Variants in HMBOX1 observed in about 807,000 individuals in gnomAD.
The protein encoded by HMBOX1 is homeobox-containing protein 1.
A neutral mutation model predicts 54.5 loss-of-function variants in HMBOX1; 14 were observed. The ratio of observed to expected loss-of-function variants is 0.26; its 90% confidence interval spans 0.17 to 0.40. The LOEUF is 0.40. HMBOX1 is among the 10% of genes least tolerant of loss of function. The pLI, the probability that HMBOX1 is intolerant of heterozygous loss-of-function variation, is 1.00. For synonymous variants in HMBOX1, 160 were observed against 181.0 expected, an observed-to-expected ratio of 0.88 and a Z score of 0.93; for missense variants, 332 against 514.4, an observed-to-expected ratio of 0.65 and a Z score of 3.43.
chr8:29,029,568 C>T (rs1460473343), intron 6 of HMBOX1, among the ~76,000 whole-genome samples: 3 of 152,144 alleles, frequency 2.0e-5, no homozygotes, highest in Non-Finnish European at 4.4e-5. Flanking sequence ...ACCATTACTG[C>T]AAAGAATAAG....
At chr8:28,967,148 G>A (rs372374791) in intron 2 of HMBOX1, among the ~76,000 whole-genome samples, 5 of 152,044 alleles carry the variant, frequency 3.3e-5, no homozygotes, top group Admixed American at 6.5e-5. Flanking sequence ...CTTTCCCCTC[G>A]TCTGACTAGA....
At chr8:28,945,292 C>T (rs1161755468) in intron 1 of HMBOX1, among the ~76,000 whole-genome samples, 2 of 152,162 alleles carry the variant, frequency 1.3e-5, no homozygotes, top group Non-Finnish European at 2.9e-5. Context: ...GAAATGAGGG[C>T]TTAACAAGAT....
At chr8:29,001,767 CAATT>C (rs932458165) in intron 4 of HMBOX1, among the ~76,000 whole-genome samples, 11 of 152,132 alleles carry the variant, frequency 7.2e-5, no homozygotes, top group African/African-American at 1.4e-4. Flanking sequence ...AAATATAACT[CAATT>C]AAAAACAAAA....
intron 1 of HMBOX1, among the ~76,000 whole-genome samples, chr8:28,908,254 C>T (rs1814718896): frequency 6.6e-6 from 1 of 152,016 alleles, no homozygotes; most frequent in African/African-American, 2.4e-5. Flanking sequence ...ATATAATTAG[C>T]TTGTCTTGTT....
intron 6 of HMBOX1, among the ~76,000 whole-genome samples, chr8:29,036,602 G>A (rs1037365066): frequency 2.6e-5 from 4 of 152,198 alleles, no homozygotes; most frequent in African/African-American, 9.6e-5. Flanking sequence ...GGGCTATCAT[G>A]AGTTTCTTTC....
intron 4 of HMBOX1, among the ~76,000 whole-genome samples, chr8:28,998,832 A>T: frequency 6.6e-6 from 1 of 151,960 alleles, no homozygotes; most frequent in East Asian, 1.9e-4. Flanking sequence ...TGCCCTGGAG[A>T]TTACCATTAA....
chr8:29,013,064 A>T (rs1440686950), intron 5 of HMBOX1, among the ~76,000 whole-genome samples: 1 of 152,220 alleles, frequency 6.6e-6, no homozygotes, highest in African/African-American at 2.4e-5. Flanking sequence ...TTTAGAAAAC[A>T]AAAATGTTTG....
chr8:28,973,361 T>C (rs1437813685), intron 3 of HMBOX1, among the ~76,000 whole-genome samples: 1 of 152,202 alleles, frequency 6.6e-6, no homozygotes, highest in Admixed American at 6.5e-5. Flanking sequence ...ATTTTTCATA[T>C]CTGTAGATTT....
At chr8:29,012,937 T>C (rs1834399341) in intron 5 of HMBOX1, among the ~76,000 whole-genome samples, 1 of 152,196 alleles carries the variant, frequency 6.6e-6, no homozygotes, top group African/African-American at 2.4e-5. Flanking sequence ...GATAGCTCTT[T>C]AGGGTAAATG....
In HMBOX1 at chr8:28,963,907, T is replaced by C. The variant is rs1826011525; in HGVS notation, c.23+17T>C. 1 of 1,587,002 alleles carries C rather than the reference T, an allele frequency of 6.3e-7. No homozygotes were observed. The highest frequency in any genetic ancestry group is 8.6e-7 in the Non-Finnish European group (1 of 1,159,348). ...TCCAGTGGTGTAAGTATCAAGTCCT[T>C]TTTGATTTTTATCTTCACAATCATT... On this transcript the variant is annotated intron_variant, in intron 2 of 9. Transcript: ENST00000287701.
chr8:28,971,086 CTT>C (rs146543031), intron 3 of HMBOX1, among the ~76,000 whole-genome samples: 54,922 of 83,134 alleles, frequency 0.66, 18,130 homozygotes, highest in East Asian at 0.88. Context: ...AAGAAATCTA[CTT>C]TTTTTTTTTT....
At chr8:28,890,169 T>C, upstream of HMBOX1, 1 of 474,736 alleles carries the variant, frequency 2.1e-6, no homozygotes. Flanking sequence ...CAGCATGATA[T>C]CATGTCTTCC....
At chr8:28,907,479 G>A (rs1814557164) in intron 1 of HMBOX1, among the ~76,000 whole-genome samples, 1 of 152,172 alleles carries the variant, frequency 6.6e-6, no homozygotes. Flanking sequence ...TTATAGATAT[G>A]TATTGATTTT....
At chr8:28,982,771 A>T (rs1829583476) in intron 4 of HMBOX1, among the ~76,000 whole-genome samples, 1 of 152,012 alleles carries the variant, frequency 6.6e-6, no homozygotes, top group South Asian at 2.1e-4. Context: ...GATTACAGGC[A>T]CTTGCCACCA....
chr8:28,980,298 C>T, intron 4 of HMBOX1, 142 bp downstream of exon 4: 1 of 674,642 alleles, frequency 1.5e-6, no homozygotes, highest in Non-Finnish European at 2.6e-6. Flanking sequence ...TGATTTAAAA[C>T]CCATTGTCTC....
rs535329976 is a variant in HMBOX1, at chr8:28,961,195, ATGT to A, written c.-57-2614_-57-2612del. ...CTTTTAATATAAAGTTTTTATTATA[ATGT>A]TCTACTTTTTTATTGTGTTGAAATA... is the stretch of plus-strand genomic sequence containing the variant. On this transcript the variant is annotated intron_variant, in intron 1 of 9. Transcript: ENST00000287701. 3.5e-4 allele frequency among the ~76,000 whole-genome samples: 54 copies of A among 152,232 alleles called. No individual in the cohort carries two copies. In the South Asian group the frequency reaches 0.011, roughly 32 times the overall value.
At chr8:28,986,390 A>G (rs1830168042) in intron 4 of HMBOX1, among the ~76,000 whole-genome samples, 1 of 152,246 alleles carries the variant, frequency 6.6e-6, no homozygotes, top group Admixed American at 6.5e-5. Flanking sequence ...ATTTCTATCT[A>G]TATTAGTAAA....
At chr8:28,954,242 T>C (rs1158017672) in intron 1 of HMBOX1, among the ~76,000 whole-genome samples, 18 of 152,162 alleles carry the variant, frequency 1.2e-4, no homozygotes, top group Admixed American at 1.2e-3. Context: ...TATAGATATT[T>C]TAGATGGGTA....
chr8:29,020,323 A>G (rs1444934941), intron 6 of HMBOX1, among the ~76,000 whole-genome samples: 1 of 152,178 alleles, frequency 6.6e-6, no homozygotes, highest in Non-Finnish European at 1.5e-5. Flanking sequence ...ATACCAGTAT[A>G]TATTTATCAC....
Sources: gnomAD v4.1 joint callset for allele counts (sites outside exome capture counted in the v4.1 genomes callset) on GRCh38, gnomAD v4.1.1 for gene constraint, MANE v1.5 for transcripts, NCBI Gene and HGNC (gene_info 2026-07-23, HGNC 2026-07-21) for gene names.